Variants in DOCK5 observed in about 807,000 individuals in gnomAD.
The protein encoded by DOCK5 is dedicator of cytokinesis 5, also known as dedicator of cytokinesis protein 5.
DOCK5 carries 142 observed loss-of-function variants against 251.8 expected under a neutral mutation model. The ratio of observed to expected loss-of-function variants is 0.56; its 90% confidence interval spans 0.49 to 0.65. The LOEUF (loss-of-function observed/expected upper bound fraction) is 0.65, where lower values mean the gene tolerates loss of function less well. DOCK5 is among the 30% of genes least tolerant of loss of function. The pLI is 0.00. For missense variants in DOCK5, 2,111 were observed against 2,312.3 expected, an observed-to-expected ratio of 0.91 and a Z score of 1.79; for synonymous variants, 842 against 835.5, an observed-to-expected ratio of 1.01 and a Z score of -0.13.
At chr8:25,240,663 T>C (rs1354403966) in intron 1 of DOCK5, among the ~76,000 whole-genome samples, 1 of 152,252 alleles carries the variant, frequency 6.6e-6, no homozygotes, top group African/African-American at 2.4e-5. Context: ...TGCTGCATAG[T>C]ATTCCATTGC....
chr8:25,268,814 A>C (rs747473875), intron 2 of DOCK5, 31 bp from the exon 3 acceptor site: 1 of 1,552,972 alleles, frequency 6.4e-7, no homozygotes, highest in Non-Finnish European at 8.7e-7. Flanking sequence ...AGAAAACATA[A>C]AATATTTTGT....
At position 25,342,454 on chromosome 8, in the gene DOCK5, A is replaced by G; in HGVS notation, c.2564A>G (p.Gln855Arg). The change falls in exon 25 of 52, where the codon CAG (glutamine) becomes CGG (arginine). Residue 855 changes from glutamine (Q) to arginine (R), a missense_variant. By Grantham distance (43) the Gln-to-Arg change is conservative. Transcript: ENST00000276440. ...ATTCCTGACAACCAGCTGGTTCGGC[A>G]GAAACTTAACTGCATGACCAAGATA... ...QSIPDNQLVR[Q>R]KLNCMTKIVE... 1 of 1,602,216 alleles carries G rather than the reference A, an allele frequency of 6.2e-7. No individual in the cohort carries two copies. The highest frequency in any genetic ancestry group is 8.5e-7 in the Non-Finnish European group (1 of 1,173,470).
intron 20 of DOCK5, 51 bp from the exon 21 acceptor site, chr8:25,334,045 G>A (rs907000567): frequency 4.6e-5 from 65 of 1,418,720 alleles, no homozygotes; most frequent in Non-Finnish European, 6.5e-5. Context: ...CTTGTTGACA[G>A]AATACTTGGG....
At chr8:25,306,482 A>G (rs370107053) in intron 11 of DOCK5, among the ~76,000 whole-genome samples, 45 of 152,206 alleles carry the variant, frequency 3.0e-4, no homozygotes, top group East Asian at 1.7e-3. Flanking sequence ...CAAGGCGGGC[A>G]GATCACAAGG....
chr8:25,244,582 A>G (rs111274485), intron 2 of DOCK5, among the ~76,000 whole-genome samples: 4 of 152,176 alleles, frequency 2.6e-5, no homozygotes, highest in Non-Finnish European at 5.9e-5. Flanking sequence ...GGGACCGTGC[A>G]TTTTCCGGGT....
chr8:25,334,222 T>C (rs769265211), intron 21 of DOCK5, 26 bp downstream of exon 21: 1 of 1,560,964 alleles, frequency 6.4e-7, no homozygotes, highest in South Asian at 1.1e-5. Flanking sequence ...AGGAACTACA[T>C]GTTGTTGGAT....
At chr8:25,301,464 G>A (rs1015247879) in intron 9 of DOCK5, among the ~76,000 whole-genome samples, 1 of 152,172 alleles carries the variant, frequency 6.6e-6, no homozygotes. Flanking sequence ...AGAGAGCTTG[G>A]GCAGCTGTTT....
At chr8:25,343,298 G>T (rs191120565) in intron 25 of DOCK5, among the ~76,000 whole-genome samples, 1 of 152,022 alleles carries the variant, frequency 6.6e-6, no homozygotes, top group African/African-American at 2.4e-5. Context: ...CATAATTACC[G>T]TGCCCAGTCA....
intron 26 of DOCK5, among the ~76,000 whole-genome samples, chr8:25,347,118 G>T (rs981134306): frequency 7.2e-5 from 11 of 152,196 alleles, no homozygotes; most frequent in African/African-American, 2.7e-4. Context: ...TCCTACCAAA[G>T]GATATGAATA....
At chr8:25,316,683 C>T (rs1474011319) in intron 13 of DOCK5, among the ~76,000 whole-genome samples, 1 of 152,248 alleles carries the variant, frequency 6.6e-6, no homozygotes, top group South Asian at 2.1e-4. Context: ...ATCACACTCT[C>T]CAAGGCACTA....
chr8:25,184,964 C>G lies in DOCK5; in HGVS notation c.43+13C>G, dbSNP rs760913702. ...AAGTACGGGGTTGGTGAGTGCGCGC[C>G]CCACCTTGTCCCGGCCCGACCCACG... On this transcript the variant is annotated intron_variant, in intron 1 of 51. Coordinates refer to ENST00000276440, the MANE Select transcript of DOCK5 (RefSeq NM_024940.8). 2.3e-4 allele frequency: 321 copies of G among 1,388,692 alleles called. 1 individual carries two copies. In the East Asian group the frequency reaches 9.1e-3, roughly 39 times the overall value. 86.0% of individuals were successfully genotyped at this position (1,388,692 alleles called of 1,614,324 possible).
intron 40 of DOCK5, among the ~76,000 whole-genome samples, chr8:25,385,321 C>T (rs1403500034): frequency 1.3e-5 from 2 of 152,064 alleles, no homozygotes; most frequent in East Asian, 1.9e-4. Context: ...GAGACCATTG[C>T]AGATGTTCAG....
At chr8:25,396,679 G>A (rs1251255259) in intron 45 of DOCK5, among the ~76,000 whole-genome samples, 2 of 152,102 alleles carry the variant, frequency 1.3e-5, no homozygotes, top group African/African-American at 4.8e-5. Flanking sequence ...GGACGCCCCT[G>A]TGGAGCCGCC....
chr8:25,341,539 C>G (rs1301114029), intron 23 of DOCK5, among the ~76,000 whole-genome samples, 200 bp from the exon 24 acceptor site: 1 of 152,170 alleles, frequency 6.6e-6, no homozygotes, highest in East Asian at 1.9e-4. Flanking sequence ...AACCAGAAAG[C>G]TGTACCCCCT....
intron 18 of DOCK5, among the ~76,000 whole-genome samples, chr8:25,326,853 C>T (rs1216088377): frequency 6.6e-6 from 1 of 152,096 alleles, no homozygotes; most frequent in Non-Finnish European, 1.5e-5. Flanking sequence ...TCAGTTTAAC[C>T]ACGTTTTATA....
chr8:25,355,513 T>A (rs1800551381), intron 27 of DOCK5, among the ~76,000 whole-genome samples: 1 of 152,242 alleles, frequency 6.6e-6, no homozygotes, highest in Admixed American at 6.5e-5. Flanking sequence ...GCAGGGGTGC[T>A]ATCTCGGCTC....
intron 1 of DOCK5, among the ~76,000 whole-genome samples, chr8:25,213,664 A>AC (rs1453905508): frequency 6.6e-6 from 1 of 152,042 alleles, no homozygotes; most frequent in Non-Finnish European, 1.5e-5. Context: ...ATACCTCCTC[A>AC]CCCCCCAAAG....
At chr8:25,331,852 A>G (rs1805691727) in intron 18 of DOCK5, among the ~76,000 whole-genome samples, 1 of 147,744 alleles carries the variant, frequency 6.8e-6, no homozygotes, top group Admixed American at 6.8e-5. Context: ...ATACACACAT[A>G]CCTATGTTCC....
intron 1 of DOCK5, among the ~76,000 whole-genome samples, chr8:25,229,073 A>G (rs1270817262): frequency 1.3e-5 from 2 of 152,012 alleles, no homozygotes; most frequent in African/African-American, 4.8e-5. Flanking sequence ...TCTACCAAAA[A>G]AAAAAAAAAA....
Sources: gnomAD v4.1 joint callset for allele counts (sites outside exome capture counted in the v4.1 genomes callset) on GRCh38, gnomAD v4.1.1 for gene constraint, MANE v1.5 for transcripts, NCBI Gene and HGNC (gene_info 2026-07-23, HGNC 2026-07-21) for gene names.